Variants in NKAIN3 observed in about 807,000 individuals in gnomAD.
The protein encoded by NKAIN3 is sodium/potassium transporting ATPase interacting 3.
NKAIN3 carries 25 observed loss-of-function variants against 30.2 expected under a neutral mutation model. The ratio of observed to expected loss-of-function variants is 0.83; its 90% CI spans 0.60 to 1.16. The LOEUF (loss-of-function observed/expected upper bound fraction) is 1.16. Ranked by LOEUF, NKAIN3 falls within the 50% of genes most tolerant of loss-of-function variation. The pLI is 0.00. For missense variants in NKAIN3, 225 were observed against 254.1 expected (o/e 0.89, Z 0.78); for synonymous variants, 91 against 89.6 (o/e 1.02, Z -0.09).
At chr8:62,358,922 CTGTAAT>C (rs1380649040) in intron 1 of NKAIN3, among the ~76,000 whole-genome samples, 1 of 152,214 alleles carries the variant, frequency 6.6e-6, no homozygotes, top group African/African-American at 2.4e-5. Flanking sequence ...TGGCTCACGC[CTGTAAT>C]CCCAGCACTT....
chr8:62,980,724 T>C lies in NKAIN3; in HGVS notation c.*15317T>C, dbSNP rs567369365. 1 of 152,342 alleles carries C rather than the reference T, an allele frequency of 6.6e-6. No individual in the cohort carries two copies. The highest frequency in any genetic ancestry group is 1.5e-5 in the Non-Finnish European group (1 of 68,028). The allele number at this position is 152,342 out of a possible 1,614,324, so 9.4% of individuals were successfully genotyped here. ...ATATTTTTAGGCAAAACATAATGTC[T>C]GGAGCACCAAGTGAAATAACTGTGG... On this transcript the variant is annotated 3_prime_UTR_variant, in exon 7 of 7. Coordinates refer to ENST00000623646, the MANE Select transcript of NKAIN3 (RefSeq NM_001304533.3).
chr8:62,699,659 T>G (rs891245466), intron 3 of NKAIN3, among the ~76,000 whole-genome samples: 4 of 152,200 alleles, frequency 2.6e-5, no homozygotes, highest in East Asian at 3.9e-4. Flanking sequence ...TTTGGTGTTG[T>G]TATAGGAAGA....
Position 62,373,925 on chromosome 8 carries a change from C to A in NKAIN3, c.54+124798C>A, listed in dbSNP as rs543663057. Among the ~76,000 whole-genome samples, 3 of 151,960 alleles carry A rather than the reference C, an allele frequency of 2.0e-5. No homozygotes were observed. The South Asian group carries it at 6.2e-4, about 32-fold the overall frequency. ...CTCAGGAGTTTGAAACCAACCTGGGCAACATGGTGAAACCCCGTCTCTACT... is the reference window on the plus strand; with the variant it reads ...CTCAGGAGTTTGAAACCAACCTGGGAAACATGGTGAAACCCCGTCTCTACT... On this transcript the variant is annotated intron_variant, in intron 1 of 6. Transcript: ENST00000623646.
chr8:62,681,491 A>G (rs7828204), intron 3 of NKAIN3, among the ~76,000 whole-genome samples: 39,864 of 151,950 alleles, frequency 0.26, 7,612 homozygotes, highest in African/African-American at 0.54. Context: ...TTATTTTTTC[A>G]GATTGTGGTT....
chr8:62,693,381 A>G (rs1338112012), intron 3 of NKAIN3, among the ~76,000 whole-genome samples: 5 of 152,196 alleles, frequency 3.3e-5, no homozygotes, highest in African/African-American at 1.2e-4. Context: ...ATGCCTTTCA[A>G]TGTAACTTTT....
At chr8:62,683,180 C>A (rs1338411818) in intron 3 of NKAIN3, among the ~76,000 whole-genome samples, 1 of 152,062 alleles carries the variant, frequency 6.6e-6, no homozygotes, top group Non-Finnish European at 1.5e-5. Flanking sequence ...ACTACAGGTG[C>A]CTGCCACCAT....
chr8:62,882,220 C>G (rs1432882253), intron 4 of NKAIN3, among the ~76,000 whole-genome samples: 1 of 152,094 alleles, frequency 6.6e-6, no homozygotes, highest in South Asian at 2.1e-4. Context: ...TCTCTTGAAA[C>G]TGTCTCAGAG....
intron 1 of NKAIN3, among the ~76,000 whole-genome samples, chr8:62,426,536 T>TG (rs1160278726): frequency 6.6e-6 from 1 of 151,986 alleles, no homozygotes; most frequent in Non-Finnish European, 1.5e-5. Flanking sequence ...TGTGGGGATG[T>TG]TACCCTTTGA....
At chr8:62,952,585 A>G (rs1323656044) in intron 5 of NKAIN3, among the ~76,000 whole-genome samples, 3 of 152,170 alleles carry the variant, frequency 2.0e-5, no homozygotes, top group Non-Finnish European at 4.4e-5. Flanking sequence ...GTTTCTTACA[A>G]TGTCTGTGAG....
In NKAIN3 at chr8:62,972,675, ATTC is replaced by A; in HGVS notation, c.*7271_*7273del. On this transcript the variant is annotated 3_prime_UTR_variant, in exon 7 of 7. Transcript: ENST00000623646. Reference sequence around the variant, plus strand: ...CCAATATTCTCTATGATTTATTTACATTCTTTTTTCATATATATACTTTAAGTT... The same window carrying A: ...CCAATATTCTCTATGATTTATTTACATTTTTTCATATATATACTTTAAGTT... Among the ~76,000 whole-genome samples, 2 of 152,204 alleles carry A rather than the reference ATTC, an allele frequency of 1.3e-5. No individual in the cohort carries two copies. Among genetic ancestry groups the A allele is most frequent in the Middle Eastern group, 3.4e-3 (1 of 294 alleles).
chr8:62,811,838 T>C (rs1202239013), intron 4 of NKAIN3, among the ~76,000 whole-genome samples: 1 of 152,064 alleles, frequency 6.6e-6, no homozygotes, highest in Non-Finnish European at 1.5e-5. Flanking sequence ...CTCTTCATCC[T>C]CTTAATAGGG....
chr8:62,602,530 A>G (rs1402684792), intron 3 of NKAIN3, among the ~76,000 whole-genome samples: 2 of 152,110 alleles, frequency 1.3e-5, no homozygotes, highest in Non-Finnish European at 2.9e-5. Flanking sequence ...TTCATAAAAC[A>G]TTGTATACAG....
chr8:62,436,576 T>C (rs1400600296), intron 1 of NKAIN3, among the ~76,000 whole-genome samples: 1 of 152,184 alleles, frequency 6.6e-6, no homozygotes, highest in Non-Finnish European at 1.5e-5. Context: ...TCCTCTTCTT[T>C]TTATTAGTTA....
intron 1 of NKAIN3, among the ~76,000 whole-genome samples, chr8:62,304,975 A>C (rs1312342944): frequency 6.6e-6 from 1 of 150,558 alleles, no homozygotes; most frequent in Non-Finnish European, 1.5e-5. Flanking sequence ...AGGCCTCATT[A>C]GCTATGTCAC....
chr8:62,511,085 G>C (rs914453316), intron 1 of NKAIN3, among the ~76,000 whole-genome samples: 3 of 152,028 alleles, frequency 2.0e-5, no homozygotes, highest in African/African-American at 7.2e-5. Flanking sequence ...TGCTCTTTCT[G>C]CCTTGGATCT....
rs572798714 is a variant in NKAIN3 at position 62,690,152 on chromosome 8, A to G, written c.274-56780A>G. Among the ~76,000 whole-genome samples, 407 of 152,158 alleles carry G rather than the reference A, an allele frequency of 2.7e-3. 2 individuals carry two copies. The highest frequency in any genetic ancestry group is 9.4e-3 in the African/African-American group (391 of 41,518). On this transcript the variant is annotated intron_variant, in intron 3 of 6. Transcript: ENST00000623646. ...GCGCACTAATCACAGGGTGTTTCCCAGGGTCTCAGGCACCAGTCCCGGAGT... is the reference window on the plus strand; with the variant it reads ...GCGCACTAATCACAGGGTGTTTCCCGGGGTCTCAGGCACCAGTCCCGGAGT...
Position 62,971,000 on chromosome 8 carries a change from T to C in NKAIN3, c.*5593T>C, listed in dbSNP as rs968899197. ...TAACATAGAGGTCTATTTCTCTTTT[T>C]ATTTCGAAATTCTGGAGACAGTCAG... On this transcript the variant is annotated 3_prime_UTR_variant, in exon 7 of 7. Coordinates refer to ENST00000623646, the MANE Select transcript of NKAIN3 (RefSeq NM_001304533.3). Among the ~76,000 whole-genome samples the C allele has an allele frequency of 2.0e-5, 3 of 152,228 alleles. No homozygotes were observed. Among genetic ancestry groups the C allele is most frequent in the African/African-American group, 7.2e-5 (3 of 41,452 alleles).
chr8:62,290,664 G>A (rs1457472260), intron 1 of NKAIN3, among the ~76,000 whole-genome samples: 3 of 152,060 alleles, frequency 2.0e-5, no homozygotes, highest in African/African-American at 7.2e-5. Context: ...AAGGATTTTT[G>A]CATCAATGTT....
chr8:62,515,740 G>A (rs927438018), intron 1 of NKAIN3, among the ~76,000 whole-genome samples: 6 of 152,058 alleles, frequency 3.9e-5, no homozygotes, highest in Non-Finnish European at 5.9e-5. Flanking sequence ...CTGACACTTG[G>A]TATTATTTGG....
Sources: gnomAD v4.1 joint callset for allele counts (sites outside exome capture counted in the v4.1 genomes callset) on GRCh38, gnomAD v4.1.1 for gene constraint, MANE v1.5 for transcripts, NCBI Gene and HGNC (gene_info 2026-07-23, HGNC 2026-07-21) for gene names.